The following HCN1 variants were observed in gnomAD, a reference collection of about 807,000 sequenced individuals.
HCN1 encodes the protein hyperpolarization activated cyclic nucleotide gated potassium channel 1.
In HCN1, 13 loss-of-function variants were observed where a neutral mutation model predicts 78.9. The ratio of observed to expected loss-of-function variants is 0.16; its 90% CI spans 0.11 to 0.26. HCN1 has a LOEUF of 0.26. Among genes scored for constraint, HCN1 ranks in the 10% least tolerant of loss-of-function variants. The pLI, the probability that HCN1 is intolerant of heterozygous loss-of-function variation, is 1.00. For synonymous variants in HCN1, 552 were observed against 455.5 expected (o/e 1.21, Z -2.70); for missense variants, 810 against 1,154.3 (o/e 0.70, Z 4.32).
At chr5:45,416,106 G>T (rs1345216372) in intron 3 of HCN1, among the ~76,000 whole-genome samples, 1 of 151,808 alleles carries the variant, frequency 6.6e-6, no homozygotes, top group African/African-American at 2.4e-5. Flanking sequence ...TCTCCCAATT[G>T]ATATATGTAT....
chr5:45,584,052 C>G (rs1461236985), intron 2 of HCN1, among the ~76,000 whole-genome samples: 3 of 151,634 alleles, frequency 2.0e-5, no homozygotes, highest in Non-Finnish European at 1.5e-5. Context: ...GGTCCGCTTG[C>G]TGCAGAGCTG....
In HCN1 at chr5:45,446,019, C is replaced by G. The variant is rs1478934123; in HGVS notation, c.1011+15827G>C. On this transcript the variant is annotated intron_variant, in intron 3 of 7. Coordinates refer to ENST00000303230, the MANE Select transcript of HCN1 (RefSeq NM_021072.4). ...AAGGAACGCAGTTCCTCACCAGCAA[C>G]AGAACAAAGCTGGACAGAGAATGAC... 2.6e-5 allele frequency among the ~76,000 whole-genome samples: 4 copies of G among 152,150 alleles called. No individual in the cohort carries two copies. In the South Asian group the frequency reaches 8.3e-4, roughly 31 times the overall value.
intron 1 of HCN1, among the ~76,000 whole-genome samples, chr5:45,678,586 G>A (rs1448955865): frequency 2.0e-5 from 3 of 151,870 alleles, no homozygotes; most frequent in African/African-American, 7.3e-5. Context: ...TTCATCGTGA[G>A]TACAGCTCTT....
intron 3 of HCN1, among the ~76,000 whole-genome samples, chr5:45,447,396 C>T (rs1260137858): frequency 6.6e-6 from 1 of 152,182 alleles, no homozygotes; most frequent in Non-Finnish European, 1.5e-5. Context: ...GCATGTGCCA[C>T]CACATTCTCT....
At chr5:45,432,402 C>T (rs1740481173) in intron 3 of HCN1, among the ~76,000 whole-genome samples, 1 of 151,994 alleles carries the variant, frequency 6.6e-6, no homozygotes, top group Non-Finnish European at 1.5e-5. Flanking sequence ...TTCATCTCTT[C>T]CCATTTGGAT....
intron 3 of HCN1, among the ~76,000 whole-genome samples, chr5:45,420,341 A>G (rs1225751566): frequency 1.3e-5 from 2 of 152,142 alleles, no homozygotes; most frequent in Non-Finnish European, 1.5e-5. Flanking sequence ...AATAAAACAT[A>G]TGATTTATAC....
chr5:45,577,859 G>A (rs190861166), intron 2 of HCN1, among the ~76,000 whole-genome samples: 2 of 152,110 alleles, frequency 1.3e-5, no homozygotes, highest in Non-Finnish European at 1.5e-5. Flanking sequence ...TTAAGAAAAT[G>A]ATATTGTTGC....
chr5:45,644,449 CTG>C (rs1745507851), intron 2 of HCN1: 1 of 152,190 alleles, frequency 6.6e-6, no homozygotes, highest in African/African-American at 2.4e-5. Context: ...CTCCAGTTGG[CTG>C]AGCCCTCTCA....
intron 5 of HCN1, among the ~76,000 whole-genome samples, chr5:45,317,080 TG>T (rs1226528193): frequency 6.6e-6 from 1 of 152,066 alleles, no homozygotes; most frequent in Non-Finnish European, 1.5e-5. Context: ...AAAGTTCATA[TG>T]GGGCCAAAAA....
rs751316019 is a variant in HCN1, at chr5:45,291,159, C to A, written c.1618+12440G>T. On this transcript the variant is annotated intron_variant, in intron 6 of 7. Transcript: ENST00000303230. ...CTAATTCCAAAACCTCTATACAGAT[C>A]ATTTCTTCTATTTCCAGCTTACTTT... Among the ~76,000 whole-genome samples, 137 of 151,934 alleles carry A rather than the reference C, an allele frequency of 9.0e-4. 1 individual carries two copies. Among genetic ancestry groups the A allele is most frequent in the Non-Finnish European group, 1.6e-4 (11 of 67,958 alleles).
At chr5:45,319,959 C>A (rs968117530) in intron 5 of HCN1, among the ~76,000 whole-genome samples, 1 of 151,748 alleles carries the variant, frequency 6.6e-6, no homozygotes, top group Non-Finnish European at 1.5e-5. Context: ...TAATTCAGCT[C>A]CATTTTACAT....
Position 45,262,188 on chromosome 5 carries a change from G to A in HCN1, c.2406C>T (p.Ser802=), listed in dbSNP as rs749939446. The change falls in exon 8 of 8, where the codon TCC becomes TCT. Residue 802 remains serine, a synonymous_variant. Coordinates refer to ENST00000303230, the MANE Select transcript of HCN1 (RefSeq NM_021072.4). ...ACTCGCCCACAGTGGGATGAGGTCT[G>A]GAAATCAGAGTGGACACCTCATGGG... ...SLPHEVSTLI[S]RPHPTVGESL... The A allele has an allele frequency of 1.2e-6, 2 of 1,614,054 alleles. No homozygotes were observed. Among genetic ancestry groups the A allele is most frequent in the Non-Finnish European group, 1.7e-6 (2 of 1,180,032 alleles).
At chr5:45,448,440 A>T (rs1740842595) in intron 3 of HCN1, among the ~76,000 whole-genome samples, 2 of 152,202 alleles carry the variant, frequency 1.3e-5, no homozygotes, top group South Asian at 4.1e-4. Context: ...TCCCAAATGG[A>T]GGGTTTATTC....
Position 45,696,372 on chromosome 5 carries a change from G to A in HCN1, c.-279C>T, listed in dbSNP as rs78789554. 684 of 154,302 alleles carry A rather than the reference G, an allele frequency of 4.4e-3. 6 individuals are homozygous for A. The highest frequency in any genetic ancestry group is 0.016 in the African/African-American group (664 of 41,614). The allele number at this position is 154,302 out of a possible 1,614,324, so 9.6% of individuals were successfully genotyped here. ...GGCTGCCGGAGCTAGGCGAGGCTCA[G>A]CTCGGCTCAGCCCTCGCGCCCCAGC... On this transcript the variant is annotated 5_prime_UTR_variant, in exon 1 of 8. Transcript: ENST00000303230.
At chr5:45,565,677 A>G (rs1213718470) in intron 2 of HCN1, among the ~76,000 whole-genome samples, 1 of 152,028 alleles carries the variant, frequency 6.6e-6, no homozygotes, top group African/African-American at 2.4e-5. Flanking sequence ...TCAAAAAAAT[A>G]GCTGGGTGTG....
At chr5:45,317,205 G>T (rs148415520) in intron 5 of HCN1, among the ~76,000 whole-genome samples, 3 of 151,914 alleles carry the variant, frequency 2.0e-5, no homozygotes, top group Admixed American at 2.0e-4. Flanking sequence ...CATGATACTG[G>T]CACCAAAACA....
intron 2 of HCN1, among the ~76,000 whole-genome samples, chr5:45,597,453 G>C (rs2111957364): frequency 6.6e-6 from 1 of 152,234 alleles, no homozygotes; most frequent in African/African-American, 2.4e-5. Flanking sequence ...CAAACCCACA[G>C]CCAATATCAT....
intron 2 of HCN1, among the ~76,000 whole-genome samples, chr5:45,598,842 T>G (rs1744561887): frequency 6.6e-6 from 1 of 152,132 alleles, no homozygotes; most frequent in Admixed American, 6.5e-5. Flanking sequence ...ATCAGAGAAA[T>G]GCAAATCAAA....
At chr5:45,364,944 A>G (rs1747203064) in intron 4 of HCN1, among the ~76,000 whole-genome samples, 1 of 151,992 alleles carries the variant, frequency 6.6e-6, no homozygotes, top group Non-Finnish European at 1.5e-5. Context: ...AGTATTTCCC[A>G]TGCATTGGCT....
Sources: gnomAD v4.1 joint callset for allele counts (sites outside exome capture counted in the v4.1 genomes callset) on GRCh38, gnomAD v4.1.1 for gene constraint, MANE v1.5 for transcripts, NCBI Gene and HGNC (gene_info 2026-07-23, HGNC 2026-07-21) for gene names.